The following LINGO2 variants were observed in gnomAD, a reference collection of about 807,000 sequenced individuals.
The protein encoded by LINGO2 is leucine rich repeat and Ig domain containing 2.
LINGO2 carries 14 observed loss-of-function variants against 30.6 expected under a neutral mutation model. The observed-to-expected ratio is 0.46, with a 90% confidence interval of 0.30 to 0.72. LINGO2 has a LOEUF of 0.72. Ranked by LOEUF, LINGO2 falls within the 30% of genes least tolerant of loss-of-function variation. LINGO2 has a pLI of 0.07. For missense variants in LINGO2, 729 were observed against 751.7 expected (o/e 0.97, Z 0.35); for synonymous variants, 317 against 288.5 (o/e 1.10, Z -1.00).
chr9:28,483,712 C>A (rs1024973497), intron 1 of LINGO2, among the ~76,000 whole-genome samples: 1 of 151,890 alleles, frequency 6.6e-6, no homozygotes, highest in African/African-American at 2.4e-5. Flanking sequence ...TTCAAATATA[C>A]TGAAACATGA....
At chr9:28,305,515 G>A (rs557069030) in intron 3 of LINGO2, among the ~76,000 whole-genome samples, 111 of 151,946 alleles carry the variant, frequency 7.3e-4, no homozygotes, top group Non-Finnish European at 1.3e-3. Flanking sequence ...GATTTAGTAA[G>A]GCTACAGAAT....
At chr9:29,140,681 C>A in the LINGO2 span, among the ~76,000 whole-genome samples, 2 of 151,462 alleles carry the variant, frequency 1.3e-5, no homozygotes, top group African/African-American at 2.4e-5. Context: ...TCCCAACAGA[C>A]CCTATCTAGA....
At chr9:28,776,460 C>A in the LINGO2 span, among the ~76,000 whole-genome samples, 2 of 152,126 alleles carry the variant, frequency 1.3e-5, no homozygotes, top group African/African-American at 4.8e-5. Flanking sequence ...TGAAAACTAA[C>A]AATGCAGAAA....
At chr9:29,164,296 G>T in the LINGO2 span, among the ~76,000 whole-genome samples, 31,010 of 152,024 alleles carry the variant, frequency 0.2, 3,420 homozygotes, top group East Asian at 0.37. Flanking sequence ...AGCAACACAA[G>T]TAATTGTTCT....
rs1554691900 is a variant in LINGO2, at chr9:28,243,469, A to AAGAAG, written c.-87+51738_-87+51739insCTTCT. 9.0e-4 allele frequency among the ~76,000 whole-genome samples: 131 copies of AAGAAG among 145,198 alleles called. 1 individual carries two copies. The Middle Eastern group carries it at 0.011, about 12-fold the overall frequency. The stretch of plus-strand genomic sequence containing the variant: ...AGAAAGACTCTCTCAAAAAATAAAA[A>AAGAAG]AAGAAGAAGAAGAAGACACAGACTG... On this transcript the variant is annotated intron_variant, in intron 4 of 5. Coordinates refer to ENST00000379992, the Ensembl canonical transcript of LINGO2.
At chr9:28,674,868 G>A (rs535051676), upstream of LINGO2, among the ~76,000 whole-genome samples, 4 of 152,202 alleles carry the variant, frequency 2.6e-5, no homozygotes, top group Admixed American at 2.0e-4. Context: ...CAACAGATCG[G>A]CAGCCTCTCA....
chr9:28,521,656 T>G (rs1176420689), intron 1 of LINGO2, among the ~76,000 whole-genome samples: 1 of 152,208 alleles, frequency 6.6e-6, no homozygotes, highest in Non-Finnish European at 1.5e-5. Context: ...GTGGGGTGTA[T>G]GCAGGTGCAC....
At chr9:28,410,708 C>T (rs893895176) in intron 2 of LINGO2, among the ~76,000 whole-genome samples, 7 of 152,084 alleles carry the variant, frequency 4.6e-5, no homozygotes, top group Non-Finnish European at 7.4e-5. Context: ...GAACAACAAA[C>T]GCAATAAGGG....
intron 1 of LINGO2, among the ~76,000 whole-genome samples, chr9:28,583,755 G>A (rs927278160): frequency 1.3e-5 from 2 of 152,022 alleles, no homozygotes; most frequent in African/African-American, 4.8e-5. Context: ...TCTACATAAT[G>A]CTGCTAAAAC....
At chr9:28,978,292 G>A in the LINGO2 span, among the ~76,000 whole-genome samples, 1 of 152,022 alleles carries the variant, frequency 6.6e-6, no homozygotes, top group Non-Finnish European at 1.5e-5. Flanking sequence ...CTTCTCCCTG[G>A]GGTGGAGTGA....
the LINGO2 span, among the ~76,000 whole-genome samples, chr9:28,904,268 G>A: frequency 6.6e-6 from 1 of 151,804 alleles, no homozygotes. Flanking sequence ...AACACTTAAT[G>A]TTGAAAAGTT....
At chr9:27,964,921 A>G (rs771115449) in intron 5 of LINGO2, among the ~76,000 whole-genome samples, 5 of 152,080 alleles carry the variant, frequency 3.3e-5, no homozygotes, top group Non-Finnish European at 7.4e-5. Flanking sequence ...ATGTATATGT[A>G]TGTTGCCTTC....
intron 3 of LINGO2, among the ~76,000 whole-genome samples, chr9:28,345,718 A>G (rs1216038824): frequency 2.0e-5 from 3 of 152,108 alleles, no homozygotes; most frequent in Non-Finnish European, 4.4e-5. Flanking sequence ...ACTCTTCTTG[A>G]CTCTCATTGT....
chr9:28,358,272 C>T (rs956315991), intron 3 of LINGO2, among the ~76,000 whole-genome samples: 5 of 151,966 alleles, frequency 3.3e-5, no homozygotes, highest in African/African-American at 4.8e-5. Context: ...CTGAAGCCCA[C>T]GAAGTTAAGT....
chr9:28,507,836 T>C (rs1820215840), intron 1 of LINGO2, among the ~76,000 whole-genome samples: 1 of 152,094 alleles, frequency 6.6e-6, no homozygotes. Context: ...CAGGGCAAAT[T>C]AACTGCAAAA....
chr9:28,458,096 A>G (rs2135106396), intron 2 of LINGO2, among the ~76,000 whole-genome samples: 1 of 152,334 alleles, frequency 6.6e-6, no homozygotes, highest in East Asian at 1.9e-4. Flanking sequence ...ATGCAGATTT[A>G]GGAATTGGTG....
At chr9:28,379,119 T>A (rs898440870) in intron 2 of LINGO2, among the ~76,000 whole-genome samples, 2 of 152,156 alleles carry the variant, frequency 1.3e-5, no homozygotes, top group African/African-American at 4.8e-5. Context: ...AAAAGTTATT[T>A]AACTTTTAAT....
chr9:28,247,934 T>A (rs1396995174), intron 4 of LINGO2, among the ~76,000 whole-genome samples: 1 of 152,136 alleles, frequency 6.6e-6, no homozygotes, highest in Non-Finnish European at 1.5e-5. Context: ...TTAAAATGGC[T>A]TTTATCCAAA....
chr9:28,635,158 A>G (rs1827200447), intron 1 of LINGO2, among the ~76,000 whole-genome samples: 1 of 152,214 alleles, frequency 6.6e-6, no homozygotes, highest in African/African-American at 2.4e-5. Flanking sequence ...TGTGCATCCA[A>G]TATATAAATT....
Sources: gnomAD v4.1 joint callset for allele counts (sites outside exome capture counted in the v4.1 genomes callset) on GRCh38, gnomAD v4.1.1 for gene constraint, MANE v1.5 for transcripts, NCBI Gene and HGNC (gene_info 2026-07-23, HGNC 2026-07-21) for gene names.